Variants in ZFHX3 observed in about 807,000 individuals in gnomAD.
ZFHX3 encodes zinc finger homeobox protein 3.
In ZFHX3, 42 loss-of-function variants were observed where a neutral mutation model predicts 279.1. The observed-to-expected ratio is 0.15, with a 90% CI of 0.12 to 0.19. ZFHX3 has a LOEUF of 0.19. ZFHX3 is among the 10% of genes least tolerant of loss of function. The pLI is 1.00. For synonymous variants in ZFHX3, 2,293 were observed against 1,957.8 expected (o/e 1.17, Z -4.52); for missense variants, 4,981 against 4,754.0 (o/e 1.05, Z -1.40).
intron 7 of ZFHX3, among the ~76,000 whole-genome samples, chr16:72,801,476 A>T (rs1597249286): frequency 6.6e-6 from 1 of 152,232 alleles, no homozygotes; most frequent in East Asian, 1.9e-4. Flanking sequence ...CAACTAGAGG[A>T]AACCCAGACA....
intron 3 of ZFHX3, among the ~76,000 whole-genome samples, chr16:73,348,664 C>T (rs1487413114): frequency 1.3e-5 from 2 of 152,188 alleles, no homozygotes; most frequent in Non-Finnish European, 2.9e-5. Context: ...CACACAAGCC[C>T]AATTGGCACA....
At chr16:73,832,742 T>C (rs750266386) in intron 1 of ZFHX3, among the ~76,000 whole-genome samples, 5 of 152,186 alleles carry the variant, frequency 3.3e-5, no homozygotes, top group Admixed American at 6.5e-5. Flanking sequence ...TTATTCAGTG[T>C]TTTTTTCTTT....
chr16:73,658,679 T>C (rs2052748758), intron 2 of ZFHX3, among the ~76,000 whole-genome samples: 1 of 152,212 alleles, frequency 6.6e-6, no homozygotes, highest in South Asian at 2.1e-4. Flanking sequence ...ATGGTTACCA[T>C]TTTTTAATAA....
At chr16:73,513,415 C>T (rs1171391353) in intron 2 of ZFHX3, among the ~76,000 whole-genome samples, 2 of 152,204 alleles carry the variant, frequency 1.3e-5, no homozygotes, top group African/African-American at 4.8e-5. Context: ...GTTGCACTGA[C>T]ACCTCTCTCA....
intron 2 of ZFHX3, among the ~76,000 whole-genome samples, chr16:73,507,326 G>A (rs949375385): frequency 1.3e-5 from 2 of 152,070 alleles, no homozygotes. Flanking sequence ...ATGGGCTGAA[G>A]GCCAGATTCC....
intron 2 of ZFHX3, among the ~76,000 whole-genome samples, chr16:73,539,433 CTTTTTT>C (rs1162434013): frequency 0.036 from 2,305 of 64,786 alleles, 29 homozygotes; most frequent in Admixed American, 0.13. Flanking sequence ...TCCTCTTCTT[CTTTTTT>C]TTTTTTTTTT....
At chr16:72,953,602 CT>C (rs75079529) in intron 2 of ZFHX3, among the ~76,000 whole-genome samples, 16 of 151,382 alleles carry the variant, frequency 1.1e-4, no homozygotes, top group Admixed American at 2.6e-4. Flanking sequence ...ACTTTAAGCT[CT>C]TTTTTTTTCA....
chr16:73,227,795 G>A (rs1454476825), intron 5 of ZFHX3, among the ~76,000 whole-genome samples: 1 of 131,396 alleles, frequency 7.6e-6, no homozygotes, highest in South Asian at 2.6e-4. Flanking sequence ...ATTGCAGTGA[G>A]TCGAGATTGC....
chr16:72,944,272 G>T (rs1240404549), intron 3 of ZFHX3, among the ~76,000 whole-genome samples: 1 of 152,196 alleles, frequency 6.6e-6, no homozygotes, highest in Non-Finnish European at 1.5e-5. Flanking sequence ...GCGACAGAGT[G>T]AGACCCTGTC....
At chr16:72,867,788 G>C (rs2038058231) in intron 4 of ZFHX3, among the ~76,000 whole-genome samples, 1 of 152,012 alleles carries the variant, frequency 6.6e-6, no homozygotes, top group South Asian at 2.1e-4. Context: ...TCTTAAGGTG[G>C]CAGCTTTCCT....
At chr16:73,277,863 C>T (rs1343930886) in intron 4 of ZFHX3, among the ~76,000 whole-genome samples, 2 of 152,110 alleles carry the variant, frequency 1.3e-5, no homozygotes, top group Non-Finnish European at 2.9e-5. Context: ...TGGTGGAAGG[C>T]AAAGTGGGAG....
At chr16:73,706,360 G>C (rs1355954786) in intron 1 of ZFHX3, among the ~76,000 whole-genome samples, 1 of 151,498 alleles carries the variant, frequency 6.6e-6, no homozygotes, top group Non-Finnish European at 1.5e-5. Flanking sequence ...TACTCGGGAG[G>C]CTGAAGCAGG....
In ZFHX3 at chr16:73,444,113, C is replaced by T. The variant is rs2018141383; in HGVS notation, c.-1291+11890G>A. Among the ~76,000 whole-genome samples, 2 of 152,138 alleles carry T rather than the reference C, an allele frequency of 1.3e-5. 1 individual carries two copies. Among genetic ancestry groups the T allele is most frequent in the South Asian group, 4.1e-4 (2 of 4,832 alleles). On this transcript the variant is annotated intron_variant, in intron 3 of 17. Coordinates refer to the ZFHX3 transcript ENST00000641206. ...TTACACATTCTCCCACCACTGCCAC[C>T]TGATATCCTAGATTTAGCTTTTCCT...
chr16:73,705,961 A>C (rs1308357272), intron 1 of ZFHX3, among the ~76,000 whole-genome samples: 1 of 152,016 alleles, frequency 6.6e-6, no homozygotes, highest in Non-Finnish European at 1.5e-5. Flanking sequence ...GGGCCTCCTG[A>C]GTGGATTCAC....
Position 72,788,126 on chromosome 16 carries a change from G to C in ZFHX3, c.10150C>G (p.Gln3384Glu), listed in dbSNP as rs2035529231. 1 of 1,596,664 alleles carries C rather than the reference G, an allele frequency of 6.3e-7. No homozygotes were observed. Among genetic ancestry groups the C allele is most frequent in the African/African-American group, 1.3e-5 (1 of 74,734 alleles). ...AIQQQQQRQL[Q>E]QQQQQKVQQQ... ...TGCACTTTTTGCTGCTGCTGCTGCTGTAGTTGCCGCTGCTGCTGCTGCTGA... is the reference window on the plus strand; with the variant it reads ...TGCACTTTTTGCTGCTGCTGCTGCTCTAGTTGCCGCTGCTGCTGCTGCTGA... The change falls in exon 10 of 10, where the codon CAG (glutamine) becomes GAG (glutamate). Residue 3384 changes from glutamine to glutamate, a missense_variant. By Grantham distance (29) the Gln-to-Glu change is conservative (BLOSUM62 2). Around this residue, in one of 7 missense-constraint regions of ZFHX3, gnomAD observed 1,034 missense variants for 786.0 expected, o/e 1.32. Transcript: ENST00000268489.
Position 72,788,037 on chromosome 16 carries a change from G to GTCTT in ZFHX3, c.10235_10238dup (p.Asp3413GlufsTer19). 6.2e-7 allele frequency: 1 copy of GTCTT among 1,612,750 alleles called. No homozygotes were observed. ...CTGGTTTGGGGGATTCTTTGGCAGG[G>GTCTT]TCTTTGTCTGGGGAAGGAGCCCCGG... On this transcript the variant is annotated frameshift_variant, in exon 10 of 10. Coordinates refer to ENST00000268489, the MANE Select transcript of ZFHX3 (RefSeq NM_006885.4). LOFTEE classifies it high-confidence loss of function.
intron 4 of ZFHX3, among the ~76,000 whole-genome samples, chr16:72,869,884 G>T (rs2038112111): frequency 6.6e-6 from 1 of 152,178 alleles, no homozygotes; most frequent in African/African-American, 2.4e-5. Context: ...GACCAAAGCT[G>T]ATGCCCGCAA....
chr16:73,110,239 T>C (rs1567391153), intron 7 of ZFHX3, among the ~76,000 whole-genome samples: 1 of 152,190 alleles, frequency 6.6e-6, no homozygotes, highest in African/African-American at 2.4e-5. Context: ...GTTTTACTTT[T>C]AAATCCTAAA....
chr16:72,897,427 T>A (rs2038925951), intron 3 of ZFHX3, among the ~76,000 whole-genome samples: 1 of 152,076 alleles, frequency 6.6e-6, no homozygotes, highest in South Asian at 2.1e-4. Context: ...GGGTGCGGCA[T>A]CTACACACAT....
Sources: allele counts gnomAD v4.1 joint callset (sites outside exome capture counted in the v4.1 genomes callset), GRCh38; gene constraint gnomAD v4.1.1; regional missense constraint gnomAD v4.1.1; transcripts MANE v1.5; gene names NCBI Gene and HGNC (gene_info 2026-07-23, HGNC 2026-07-21).